CTNNA2: variants seen among roughly 807,000 people sequenced by gnomAD.
The protein encoded by CTNNA2 is catenin alpha-2.
A neutral mutation model predicts 101.0 loss-of-function variants in CTNNA2; 42 were observed. That is an observed-to-expected ratio of 0.42 (90% CI 0.32 to 0.54). CTNNA2 has a LOEUF of 0.54. Among genes scored for constraint, CTNNA2 ranks in the 20% least tolerant of loss-of-function variants. The pLI is 0.14. For synonymous variants in CTNNA2, 450 were observed against 456.4 expected (o/e 0.99, Z 0.18); for missense variants, 871 against 1,223.1 (o/e 0.71, Z 4.29).
At chr2:79,788,913 G>A (rs780583003) in intron 3 of CTNNA2, among the ~76,000 whole-genome samples, 3 of 152,256 alleles carry the variant, frequency 2.0e-5, no homozygotes, top group African/African-American at 7.2e-5. Flanking sequence ...TTTACAATGC[G>A]AAATCATGAA....
intron 1 of CTNNA2, among the ~76,000 whole-genome samples, chr2:79,587,493 T>C (rs1313075265): frequency 6.6e-6 from 1 of 152,192 alleles, no homozygotes; most frequent in Non-Finnish European, 1.5e-5. Context: ...CTTCCTTGCC[T>C]TCCTCATCCC....
chr2:79,218,311 T>TTGTGTGTGTGTG lies in CTNNA2; in HGVS notation c.-406+20263_-406+20274dup, dbSNP rs60680995. ...CCAGGCACCAGAATCTTCATGAACT[T>TTGTGTGTGTGTG]TGTGTGTGTGTGTGTGTGTGTGTGT... On this transcript the variant is annotated intron_variant, in intron 2 of 21. Coordinates refer to the CTNNA2 transcript ENST00000466387. Among the ~76,000 whole-genome samples, 828 of 114,716 alleles carry TTGTGTGTGTGTG rather than the reference T, an allele frequency of 7.2e-3. 15 individuals are homozygous for TTGTGTGTGTGTG. Among genetic ancestry groups the TTGTGTGTGTGTG allele is most frequent in the East Asian group, 0.034 (106 of 3,094 alleles). The allele number at this position is 114,716 out of a possible 152,430, so 75.3% of individuals were successfully genotyped here.
chr2:79,364,440 G>A (rs10210640), intron 3 of CTNNA2, among the ~76,000 whole-genome samples: 44,675 of 151,986 alleles, frequency 0.29, 6,730 homozygotes, highest in Middle Eastern at 0.44. Context: ...AGGGTTCTGC[G>A]AAAATCTACT....
chr2:80,486,659 T>G (rs747600016), intron 9 of CTNNA2, among the ~76,000 whole-genome samples: 17 of 152,184 alleles, frequency 1.1e-4, no homozygotes, highest in Admixed American at 3.3e-4. Flanking sequence ...TGTACTATTT[T>G]GGAATCAGTT....
chr2:80,609,799 C>T (rs925792432), intron 17 of CTNNA2, among the ~76,000 whole-genome samples: 2 of 151,720 alleles, frequency 1.3e-5, no homozygotes, highest in African/African-American at 4.8e-5. Flanking sequence ...CTTTGTGGAT[C>T]TCAGACTCCA....
chr2:80,490,286 C>G (rs1357833157), intron 9 of CTNNA2, among the ~76,000 whole-genome samples: 49 of 88,928 alleles, frequency 5.5e-4, no homozygotes, highest in Admixed American at 8.7e-4. Flanking sequence ...CCCCACCCCC[C>G]CCCCGGTAAA....
chr2:80,307,222 G>A (rs1304696265), intron 7 of CTNNA2, among the ~76,000 whole-genome samples: 3 of 151,836 alleles, frequency 2.0e-5, no homozygotes, highest in Non-Finnish European at 4.4e-5. Context: ...TTAACAGATT[G>A]AAATGAGCTT....
chr2:80,554,255 T>C (rs910460539), intron 11 of CTNNA2, among the ~76,000 whole-genome samples: 5 of 152,208 alleles, frequency 3.3e-5, no homozygotes, highest in Non-Finnish European at 7.4e-5. Flanking sequence ...CTTTAGGAAA[T>C]TTAAAATCAG....
intron 1 of CTNNA2, among the ~76,000 whole-genome samples, chr2:79,554,033 TACA>T (rs1674286320): frequency 6.6e-6 from 1 of 152,188 alleles, no homozygotes; most frequent in Non-Finnish European, 1.5e-5. Flanking sequence ...CCTTTCACAC[TACA>T]AATAGATTTG....
intron 15 of CTNNA2, among the ~76,000 whole-genome samples, chr2:80,600,779 G>A (rs1197626820): frequency 6.6e-6 from 1 of 152,032 alleles, no homozygotes; most frequent in Non-Finnish European, 1.5e-5. Context: ...GAGTAGCTGG[G>A]ACTATAGGAT....
At chr2:80,299,835 G>A (rs1676082409) in intron 7 of CTNNA2, 1 of 152,166 alleles carries the variant, frequency 6.6e-6, no homozygotes, top group Non-Finnish European at 1.5e-5. Context: ...AGCTTTCCCT[G>A]TAAGCACACC....
intron 7 of CTNNA2, among the ~76,000 whole-genome samples, chr2:79,989,828 C>T (rs1692042304): frequency 6.6e-6 from 1 of 152,152 alleles, no homozygotes; most frequent in African/African-American, 2.4e-5. Flanking sequence ...CAGGGTGTGT[C>T]AGTGACAGGG....
At chr2:79,380,304 T>C (rs1263984523) in intron 4 of CTNNA2, among the ~76,000 whole-genome samples, 1 of 151,936 alleles carries the variant, frequency 6.6e-6, no homozygotes, top group African/African-American at 2.4e-5. Context: ...CCCAGGTTGT[T>C]CAGGGATGAG....
chr2:79,854,251 G>A (rs1258424190), intron 3 of CTNNA2, among the ~76,000 whole-genome samples: 7 of 152,296 alleles, frequency 4.6e-5, no homozygotes, highest in Middle Eastern at 3.4e-3. Flanking sequence ...CCTGTAACCA[G>A]GAGATCACCA....
intron 1 of CTNNA2, among the ~76,000 whole-genome samples, chr2:79,605,509 T>C (rs534784423): frequency 1.9e-4 from 26 of 139,000 alleles, no homozygotes; most frequent in Non-Finnish European, 1.0e-4. Context: ...AATCTTATAG[T>C]TCAAGATCAA....
chr2:80,478,102 G>A (rs1316912492), intron 9 of CTNNA2, among the ~76,000 whole-genome samples: 2 of 152,042 alleles, frequency 1.3e-5, no homozygotes, highest in Non-Finnish European at 2.9e-5. Context: ...GGGGTAAGGT[G>A]GTGTCTCACT....
At chr2:79,306,477 T>A (rs1676251073) in intron 2 of CTNNA2, among the ~76,000 whole-genome samples, 1 of 152,192 alleles carries the variant, frequency 6.6e-6, no homozygotes, top group African/African-American at 2.4e-5. Flanking sequence ...TTTTTGTTAA[T>A]TAAAAAATAA....
intron 6 of CTNNA2, among the ~76,000 whole-genome samples, chr2:79,882,677 G>A (rs569734822): frequency 9.2e-5 from 14 of 152,320 alleles, no homozygotes; most frequent in East Asian, 5.8e-4. Context: ...CTGCCCCTCC[G>A]CCAAGGAGCA....
At chr2:79,801,408 A>G (rs1004749624) in intron 3 of CTNNA2, among the ~76,000 whole-genome samples, 2 of 152,176 alleles carry the variant, frequency 1.3e-5, no homozygotes, top group Admixed American at 6.5e-5. Context: ...TTTATGTGCT[A>G]ATTAAATGCT....
Sources: gnomAD v4.1 joint callset for allele counts (sites outside exome capture counted in the v4.1 genomes callset) on GRCh38, gnomAD v4.1.1 for gene constraint, MANE v1.5 for transcripts, NCBI Gene and HGNC (gene_info 2026-07-23, HGNC 2026-07-21) for gene names.